The following CAP2 variants were observed in gnomAD, a reference collection of about 807,000 sequenced individuals.
The protein encoded by CAP2 is adenylyl cyclase-associated protein 2.
A neutral mutation model predicts 57.7 loss-of-function variants in CAP2; 24 were observed. The observed-to-expected ratio is 0.42, with a 90% CI of 0.30 to 0.58. The LOEUF (loss-of-function observed/expected upper bound fraction) is 0.58, where lower values mean the gene tolerates loss of function less well. Among genes scored for constraint, CAP2 ranks in the 20% least tolerant of loss-of-function variants. The pLI, the probability that CAP2 is intolerant of heterozygous loss-of-function variation, is 0.22. For synonymous variants in CAP2, 194 were observed against 207.2 expected (o/e 0.94, Z 0.55); for missense variants, 501 against 590.3 (o/e 0.85, Z 1.57).
At chr6:17,538,849 A>G (rs1762834064) in intron 7 of CAP2, among the ~76,000 whole-genome samples, 2 of 152,180 alleles carry the variant, frequency 1.3e-5, no homozygotes, top group African/African-American at 4.8e-5. Context: ...ACCCTTCCCC[A>G]CACCCCATTG....
Position 17,435,730 on chromosome 6 carries a change from AAAC to A in CAP2, c.222+9043_222+9045del, listed in dbSNP as rs1209097943. Among the ~76,000 whole-genome samples, 89 of 136,086 alleles carry A rather than the reference AAAC, an allele frequency of 6.5e-4. 2 individuals carry two copies. The highest frequency in any genetic ancestry group is 4.9e-3 in the South Asian group (23 of 4,658). The allele number at this position is 136,086 out of a possible 152,430, so 89.3% of individuals were successfully genotyped here. The stretch of plus-strand genomic sequence containing the variant: ...GAAGTTTACGGATAAAAAAAAAAAA[AAAC>A]AAAAAAAAAACAATATATTCTAGAG... On this transcript the variant is annotated intron_variant, in intron 3 of 12. Transcript: ENST00000229922.
intron 4 of CAP2, among the ~76,000 whole-genome samples, chr6:17,487,710 A>T (rs1761452770): frequency 6.6e-6 from 1 of 152,118 alleles, no homozygotes; most frequent in African/African-American, 2.4e-5. Flanking sequence ...GCCTCAGGTG[A>T]TCCACCCACC....
intron 4 of CAP2, among the ~76,000 whole-genome samples, chr6:17,505,932 G>C (rs1761970424): frequency 6.6e-6 from 1 of 151,990 alleles, no homozygotes; most frequent in African/African-American, 2.4e-5. Context: ...TCTCACTCTG[G>C]CACCAGGCTG....
chr6:17,446,554 A>G (rs1044695718), intron 3 of CAP2, among the ~76,000 whole-genome samples: 3 of 152,236 alleles, frequency 2.0e-5, no homozygotes, highest in African/African-American at 7.2e-5. Context: ...TATGCACTTA[A>G]GAGAGATTTG....
chr6:17,552,589 G>A (rs1224284179), intron 12 of CAP2, among the ~76,000 whole-genome samples: 1 of 152,174 alleles, frequency 6.6e-6, no homozygotes, highest in Non-Finnish European at 1.5e-5. Context: ...CTGAGATTGT[G>A]CCATTGCATT....
At chr6:17,540,865 G>A in intron 8 of CAP2, 108 bp from the exon 9 acceptor site, 1 of 1,026,722 alleles carries the variant, frequency 9.7e-7, no homozygotes, top group South Asian at 1.6e-5. Context: ...TTTGAAAGTG[G>A]CCTTACCAAA....
chr6:17,547,569 C>T lies in CAP2; in HGVS notation c.1210-3895C>T, dbSNP rs933141595. 4.3e-4 allele frequency among the ~76,000 whole-genome samples: 66 copies of T among 152,168 alleles called. 1 individual carries two copies. The highest frequency in any genetic ancestry group is 9.8e-4 in the Admixed American group (15 of 15,268). ...ATTGAAAGTTCTAACTGACCGGGCA[C>T]GGTGGCTCACGCCTGTAATCCCAGC... On this transcript the variant is annotated intron_variant, in intron 11 of 12. Coordinates refer to ENST00000229922, the MANE Select transcript of CAP2 (RefSeq NM_006366.3).
At position 17,513,985 on chromosome 6, in the gene CAP2, A is replaced by G. The variant is rs1371161031; in HGVS notation, c.636+31A>G. 1 of 1,323,380 alleles carries G rather than the reference A, an allele frequency of 7.6e-7. No individual in the cohort carries two copies. Among genetic ancestry groups the G allele is most frequent in the Non-Finnish European group, 1.1e-6 (1 of 914,974 alleles). 82.0% of individuals were successfully genotyped at this position (1,323,380 alleles called of 1,614,324 possible). On this transcript the variant is annotated intron_variant, in intron 7 of 12. Transcript: ENST00000229922. The surrounding 1 kb of genome is among the most constrained non-coding windows in gnomAD (Gnocchi z 4.3). The stretch of plus-strand genomic sequence containing the variant: ...TACGAGGCCTTCCTCCACGTGTGTA[A>G]AAAAAGGCCATGACTATATATACAC...
intron 4 of CAP2, among the ~76,000 whole-genome samples, chr6:17,476,345 CAAT>C (rs1385956782): frequency 6.6e-6 from 1 of 152,096 alleles, no homozygotes; most frequent in Non-Finnish European, 1.5e-5. Context: ...AAATAATCAT[CAAT>C]AATAATTTTA....
intron 3 of CAP2, among the ~76,000 whole-genome samples, chr6:17,440,363 G>A (rs2113561809): frequency 6.6e-6 from 1 of 151,586 alleles, no homozygotes; most frequent in South Asian, 2.1e-4. Context: ...TTTGTGTCTG[G>A]CTACCTTTCT....
intron 4 of CAP2, among the ~76,000 whole-genome samples, chr6:17,500,340 AATATATATATATATATATAT>A (rs4052821): frequency 0.02 from 669 of 33,090 alleles, 54 homozygotes; most frequent in Admixed American, 0.12. Context: ...TGTGTGTCCA[AATATATATATATATATATAT>A]ATATATATAT....
intron 7 of CAP2, among the ~76,000 whole-genome samples, chr6:17,537,073 G>T (rs1302837034): frequency 6.6e-6 from 1 of 152,134 alleles, no homozygotes; most frequent in Non-Finnish European, 1.5e-5. Flanking sequence ...CCTCCAGCCT[G>T]CAGGGTTTCT....
chr6:17,398,537 T>C (rs1301435010), intron 1 of CAP2, among the ~76,000 whole-genome samples: 1 of 151,990 alleles, frequency 6.6e-6, no homozygotes, highest in Non-Finnish European at 1.5e-5. Flanking sequence ...ACTTTTTTTT[T>C]TTTTTGAGAC....
intron 12 of CAP2, among the ~76,000 whole-genome samples, chr6:17,554,631 G>A (rs1017401798): frequency 2.6e-5 from 4 of 152,234 alleles, no homozygotes; most frequent in Non-Finnish European, 4.4e-5. Flanking sequence ...AGGAAGATAG[G>A]TACCCATGTG....
intron 11 of CAP2, among the ~76,000 whole-genome samples, chr6:17,545,947 G>C (rs2113705749): frequency 6.6e-6 from 1 of 152,250 alleles, no homozygotes; most frequent in South Asian, 2.1e-4. Context: ...TATCATTGTT[G>C]GACATTTGGG....
At chr6:17,538,673 C>T (rs1038994926) in intron 7 of CAP2, among the ~76,000 whole-genome samples, 2 of 152,130 alleles carry the variant, frequency 1.3e-5, no homozygotes, top group Non-Finnish European at 2.9e-5. Flanking sequence ...GATCCTGGAC[C>T]CTCATTACCT....
intron 3 of CAP2, among the ~76,000 whole-genome samples, chr6:17,446,061 C>G (rs574255145): frequency 5.3e-5 from 8 of 152,014 alleles, no homozygotes; most frequent in African/African-American, 1.9e-4. Flanking sequence ...TTTCATTTTT[C>G]TAGTACTGCA....
intron 3 of CAP2, among the ~76,000 whole-genome samples, chr6:17,460,962 A>G (rs1234200546): frequency 1.3e-5 from 2 of 152,200 alleles, no homozygotes; most frequent in African/African-American, 2.4e-5. Context: ...AGCCTGGACA[A>G]CATAGCAAGA....
At chr6:17,395,753 A>C (rs1057040167) in intron 1 of CAP2, among the ~76,000 whole-genome samples, 2 of 152,172 alleles carry the variant, frequency 1.3e-5, no homozygotes, top group Admixed American at 6.5e-5. Context: ...TTATATGTAA[A>C]AATAATACGC....
Sources: gnomAD v4.1 joint callset for allele counts (sites outside exome capture counted in the v4.1 genomes callset) on GRCh38, gnomAD v4.1.1 for gene constraint, Gnocchi (gnomAD v3.1) non-coding constraint, MANE v1.5 for transcripts, NCBI Gene and HGNC (gene_info 2026-07-23, HGNC 2026-07-21) for gene names.